The following C12orf42 variants were observed in gnomAD, a reference collection of about 807,000 sequenced individuals.
C12orf42 encodes the protein uncharacterized protein C12orf42.
Under a neutral mutation model 21.6 loss-of-function variants are expected in C12orf42, and 25 were observed. The observed-to-expected ratio is 1.16, with a 90% confidence interval of 0.84 to 1.62. The LOEUF is 1.62. C12orf42 is among the 40% of genes most tolerant of loss of function. C12orf42 has a pLI of 0.00. For synonymous variants in C12orf42, 174 were observed against 175.0 expected (o/e 0.99, Z 0.05); for missense variants, 483 against 459.3 (o/e 1.05, Z -0.47).
At chr12:103,533,476 T>A in the C12orf42 span, among the ~76,000 whole-genome samples, 1 of 152,188 alleles carries the variant, frequency 6.6e-6, no homozygotes, top group Non-Finnish European at 1.5e-5. Context: ...AAAAATGTCC[T>A]CTGGATGACC....
At chr12:103,365,414 C>T (rs967215336) in intron 4 of C12orf42, among the ~76,000 whole-genome samples, 4 of 152,060 alleles carry the variant, frequency 2.6e-5, no homozygotes, top group African/African-American at 9.7e-5. Context: ...AGAACTGGAA[C>T]AAGACAAGGA....
chr12:103,353,154 A>G (rs1442155500), intron 4 of C12orf42, among the ~76,000 whole-genome samples: 3 of 152,078 alleles, frequency 2.0e-5, no homozygotes, highest in South Asian at 2.1e-4. Flanking sequence ...AGTTTTCCCT[A>G]AGGCGCAAAA....
chr12:103,125,212 A>C, the C12orf42 span, among the ~76,000 whole-genome samples: 1 of 152,244 alleles, frequency 6.6e-6, no homozygotes, highest in Non-Finnish European at 1.5e-5. Context: ...ACTGTAAGTT[A>C]GTAGCAGCTT....
At chr12:103,485,613 G>T (rs1035739688) in intron 1 of C12orf42, among the ~76,000 whole-genome samples, 1 of 152,152 alleles carries the variant, frequency 6.6e-6, no homozygotes, top group Admixed American at 6.6e-5. Context: ...AGCATGAAAT[G>T]TTCTTCCATT....
intron 2 of C12orf42, among the ~76,000 whole-genome samples, chr12:103,439,305 T>C (rs1033048195): frequency 2.4e-4 from 36 of 152,108 alleles, no homozygotes; most frequent in African/African-American, 8.4e-4. Flanking sequence ...CATAAAACCC[T>C]AGAAGAAAAC....
chr12:103,426,361 G>A (rs575261686), intron 2 of C12orf42, among the ~76,000 whole-genome samples: 21 of 152,314 alleles, frequency 1.4e-4, no homozygotes, highest in African/African-American at 4.8e-4. Context: ...AACAATCTCA[G>A]AGGTAGAAGA....
chr12:103,170,182 C>A, the C12orf42 span, among the ~76,000 whole-genome samples: 5 of 152,072 alleles, frequency 3.3e-5, no homozygotes, highest in African/African-American at 1.2e-4. Context: ...TTTGGAGTGT[C>A]CCAGATTTCC....
chr12:103,178,925 G>A, the C12orf42 span, among the ~76,000 whole-genome samples: 2 of 152,162 alleles, frequency 1.3e-5, no homozygotes, highest in Non-Finnish European at 2.9e-5. Context: ...GACTCGCCGA[G>A]TGTTTTGATC....
intron 2 of C12orf42, among the ~76,000 whole-genome samples, chr12:103,452,150 G>T (rs981393681): frequency 1.3e-5 from 2 of 151,922 alleles, no homozygotes; most frequent in East Asian, 1.9e-4. Flanking sequence ...GTCCTTACTC[G>T]CCTGACCAGC....
At chr12:103,350,980 G>A (rs1489901989) in intron 4 of C12orf42, among the ~76,000 whole-genome samples, 1 of 151,976 alleles carries the variant, frequency 6.6e-6, no homozygotes, top group African/African-American at 2.4e-5. Context: ...AGGTTTAACT[G>A]TCAGTTTCAC....
chr12:103,141,529 CTT>C, the C12orf42 span, among the ~76,000 whole-genome samples: 2 of 125,776 alleles, frequency 1.6e-5, no homozygotes, highest in Non-Finnish European at 1.7e-5. Flanking sequence ...AATAATAACA[CTT>C]TTTTTTTTTT....
the C12orf42 span, among the ~76,000 whole-genome samples, chr12:103,047,660 G>A: frequency 1.3e-5 from 2 of 152,142 alleles, no homozygotes; most frequent in South Asian, 4.1e-4. Flanking sequence ...TGGTTTCTGG[G>A]CCTCGGGTTT....
At chr12:103,069,090 A>G in the C12orf42 span, among the ~76,000 whole-genome samples, 6 of 149,396 alleles carry the variant, frequency 4.0e-5, no homozygotes, top group South Asian at 4.2e-4. Flanking sequence ...CCGCTTAGAT[A>G]TTTTCTACTG....
the C12orf42 span, among the ~76,000 whole-genome samples, chr12:103,166,340 A>T: frequency 5.5e-3 from 836 of 152,314 alleles, 5 homozygotes; most frequent in African/African-American, 0.019. Flanking sequence ...ATAAATGCTT[A>T]AAAAAAGTTA....
intron 2 of C12orf42, among the ~76,000 whole-genome samples, chr12:103,434,173 C>T (rs371293185): frequency 1.3e-5 from 2 of 152,152 alleles, no homozygotes; most frequent in South Asian, 2.1e-4. Context: ...AAGATGGCTA[C>T]ACCAGCTACA....
chr12:103,461,711 T>G (rs1432816693), intron 2 of C12orf42, among the ~76,000 whole-genome samples: 1 of 152,182 alleles, frequency 6.6e-6, no homozygotes. Flanking sequence ...TTTGGTTCCC[T>G]CCTTTGTAAC....
At chr12:103,197,920 G>A in the C12orf42 span, among the ~76,000 whole-genome samples, 1 of 152,210 alleles carries the variant, frequency 6.6e-6, no homozygotes, top group African/African-American at 2.4e-5. Context: ...CCTTAAGGTT[G>A]AGCACCTGCT....
chr12:103,563,208 C>A, the C12orf42 span, among the ~76,000 whole-genome samples: 1 of 152,176 alleles, frequency 6.6e-6, no homozygotes, highest in Non-Finnish European at 1.5e-5. Context: ...AAGTGCATCT[C>A]CAGGACTCCT....
chr12:103,110,699 A>G, the C12orf42 span, among the ~76,000 whole-genome samples: 1 of 152,256 alleles, frequency 6.6e-6, no homozygotes, highest in Non-Finnish European at 1.5e-5. Context: ...ATGAGTTATA[A>G]TACAAATAAA....
Sources: gnomAD v4.1 joint callset for allele counts (sites outside exome capture counted in the v4.1 genomes callset) on GRCh38, gnomAD v4.1.1 for gene constraint, MANE v1.5 for transcripts, NCBI Gene and HGNC (gene_info 2026-07-23, HGNC 2026-07-21) for gene names.